Variants in WEE2 observed in about 807,000 individuals in gnomAD.
WEE2 encodes wee1-like protein kinase 2.
WEE2 carries 50 observed loss-of-function variants against 60.1 expected under a neutral mutation model. That is an observed-to-expected ratio of 0.83 (90% CI 0.66 to 1.05). The LOEUF (loss-of-function observed/expected upper bound fraction) is 1.05. WEE2 is among the 50% of genes least tolerant of loss of function. The pLI, the probability that WEE2 is intolerant of heterozygous loss-of-function variation, is 0.00. For synonymous variants in WEE2, 240 were observed against 241.0 expected (o/e 1.00, Z 0.04); for missense variants, 631 against 684.3 (o/e 0.92, Z 0.87).
At position 141,731,151 on chromosome 7, in the gene WEE2, C is replaced by T. The variant is rs1799134062; in HGVS notation, c.*831C>T. On this transcript the variant is annotated 3_prime_UTR_variant, in exon 12 of 12. Coordinates refer to ENST00000397541, the MANE Select transcript of WEE2 (RefSeq NM_001105558.1). ...GGTATTTGATAAGCTCTGTTTGTGT[C>T]ATCTTAGTGAATGCAACCTGTTAAT... 6.6e-6 allele frequency: 1 copy of T among 152,130 alleles called. No homozygotes were observed. Among genetic ancestry groups the T allele is most frequent in the Admixed American group, 6.5e-5 (1 of 15,278 alleles). The allele number at this position is 152,130 out of a possible 1,614,324, so 9.4% of individuals were successfully genotyped here.
chr7:141,717,301 T>C (rs1272230425), intron 3 of WEE2, among the ~76,000 whole-genome samples: 1 of 152,242 alleles, frequency 6.6e-6, no homozygotes, highest in Non-Finnish European at 1.5e-5. Context: ...TATGTTAATA[T>C]GTTAAAATGT....
At chr7:141,722,955 G>C (rs1056113791) in intron 5 of WEE2, among the ~76,000 whole-genome samples, 179 bp from the exon 6 acceptor site, 21 of 152,210 alleles carry the variant, frequency 1.4e-4, no homozygotes, top group African/African-American at 5.1e-4. Context: ...GCATTCATGA[G>C]GAATGTATTG....
intron 6 of WEE2, 34 bp from the exon 7 acceptor site, chr7:141,723,907 A>G (rs1798964460): frequency 4.3e-6 from 6 of 1,398,386 alleles, no homozygotes; most frequent in Admixed American, 4.0e-5. Context: ...CTTAGAAGTC[A>G]TTACTTACAT....
In WEE2 at chr7:141,730,406, C is replaced by T. The variant is rs1386247641; in HGVS notation, c.*86C>T. Reference sequence around the variant, plus strand: ...TTCCCCACCAAAGATCCCAGGGACTCGTTGTACATAGAAAGGAATAGAATT... The same window carrying T: ...TTCCCCACCAAAGATCCCAGGGACTTGTTGTACATAGAAAGGAATAGAATT... On this transcript the variant is annotated 3_prime_UTR_variant, in exon 12 of 12. Transcript: ENST00000397541. 1.4e-5 allele frequency: 17 copies of T among 1,216,658 alleles called. No individual in the cohort carries two copies. The Admixed American group carries it at 2.5e-4, about 18-fold the overall frequency. 75.4% of individuals were successfully genotyped at this position (1,216,658 alleles called of 1,614,324 possible).
chr7:141,719,506 A>T (rs866204447), intron 4 of WEE2, among the ~76,000 whole-genome samples: 2 of 152,196 alleles, frequency 1.3e-5, no homozygotes, highest in African/African-American at 4.8e-5. Context: ...GCTAGAGTGC[A>T]GTGGTGTGAT....
chr7:141,709,169 G>T (rs2117098882), intron 1 of WEE2, 69 bp downstream of exon 1: 1 of 1,325,108 alleles, frequency 7.5e-7, no homozygotes, highest in Non-Finnish European at 1.1e-6. Flanking sequence ...TTAGCTGATA[G>T]AGTGGATTCA....
intron 9 of WEE2, 34 bp from the exon 10 acceptor site, chr7:141,727,270 T>C: frequency 6.3e-7 from 1 of 1,584,728 alleles, no homozygotes; most frequent in South Asian, 1.2e-5. Flanking sequence ...ATAGTGAAGC[T>C]TCTGTTTCTT....
intron 8 of WEE2, among the ~76,000 whole-genome samples, chr7:141,724,576 C>T (rs1388804289): frequency 1.3e-5 from 2 of 152,194 alleles, no homozygotes; most frequent in African/African-American, 2.4e-5. Context: ...TTCCTCAAGC[C>T]CACATTGGTC....
chr7:141,720,338 C>T (rs1399811265), intron 4 of WEE2, among the ~76,000 whole-genome samples: 1 of 151,804 alleles, frequency 6.6e-6, no homozygotes, highest in Non-Finnish European at 1.5e-5. Flanking sequence ...CATTTTTATA[C>T]TGAGATTCAT....
Position 141,721,795 on chromosome 7 carries a change from G to A in WEE2, c.880+739G>A, listed in dbSNP as rs1435874302. On this transcript the variant is annotated intron_variant, in intron 5 of 11. Transcript: ENST00000397541. ...CTTCATTTTTAACAAGCTCCAAAACGCTCTTTCCTTACTTATTGTTTCTAA... is the reference window on the plus strand; with the variant it reads ...CTTCATTTTTAACAAGCTCCAAAACACTCTTTCCTTACTTATTGTTTCTAA... 2.0e-5 allele frequency among the ~76,000 whole-genome samples: 3 copies of A among 152,114 alleles called. No individual in the cohort carries two copies. The East Asian group carries it at 5.8e-4, about 29-fold the overall frequency.
intron 3 of WEE2, among the ~76,000 whole-genome samples, chr7:141,717,104 T>C (rs1305653652): frequency 6.6e-6 from 1 of 152,366 alleles, no homozygotes; most frequent in East Asian, 1.9e-4. Flanking sequence ...TAATGTTTAG[T>C]GTGCAAAAGA....
chr7:141,711,721 G>A lies in WEE2; in HGVS notation c.343-2488G>A, dbSNP rs2117102012. 1 of 152,376 alleles carries A rather than the reference G, an allele frequency of 6.6e-6. No homozygotes were observed. The highest frequency in any genetic ancestry group is 1.5e-5 in the Non-Finnish European group (1 of 68,070). The allele number at this position is 152,376 out of a possible 1,614,324, so 9.4% of individuals were successfully genotyped here. A position where few individuals can be genotyped will look rare whatever the true frequency, so the allele number is the denominator to read the frequency against. Reference sequence around the variant, plus strand: ...TTGCTACAAAGGAATACCTGAGACTGGGTAAATTATAAAGAAAAGAGGTTT... The same window carrying A: ...TTGCTACAAAGGAATACCTGAGACTAGGTAAATTATAAAGAAAAGAGGTTT... On this transcript the variant is annotated intron_variant, in intron 1 of 11. Coordinates refer to ENST00000397541, the MANE Select transcript of WEE2 (RefSeq NM_001105558.1). This position sits in a 1 kb window ranked among gnomAD's most constrained non-coding sequence, Gnocchi z 4.2.
At chr7:141,715,985 T>A (rs531995463) in intron 2 of WEE2, among the ~76,000 whole-genome samples, 1 of 152,306 alleles carries the variant, frequency 6.6e-6, no homozygotes, top group African/African-American at 2.4e-5. Flanking sequence ...GGCTTATATA[T>A]TCTCTCTTCT....
At chr7:141,728,604 CA>C (rs370278392) in intron 10 of WEE2, among the ~76,000 whole-genome samples, 2 of 152,316 alleles carry the variant, frequency 1.3e-5, no homozygotes, top group African/African-American at 4.8e-5. Context: ...TGACTATCAT[CA>C]GCCAGTACCA....
At chr7:141,720,238 C>T (rs575537289) in intron 4 of WEE2, among the ~76,000 whole-genome samples, 9 of 146,906 alleles carry the variant, frequency 6.1e-5, no homozygotes, top group African/African-American at 2.2e-4. Context: ...TCACTGCAAC[C>T]TCTGCCTCCC....
At chr7:141,715,256 T>C (rs1231971086) in intron 2 of WEE2, among the ~76,000 whole-genome samples, 2 of 152,192 alleles carry the variant, frequency 1.3e-5, no homozygotes, top group Admixed American at 6.5e-5. Flanking sequence ...AAGAATTCGA[T>C]TGGTTTTAGT....
chr7:141,727,182 C>G, intron 9 of WEE2, 122 bp from the exon 10 acceptor site: 4 of 1,073,192 alleles, frequency 3.7e-6, no homozygotes, highest in Non-Finnish European at 5.4e-6. Flanking sequence ...TTCCTCTGCA[C>G]AAAGCAGAAG....
chr7:141,722,127 C>T (rs1288220987), intron 5 of WEE2, among the ~76,000 whole-genome samples: 9 of 151,986 alleles, frequency 5.9e-5, no homozygotes, highest in Non-Finnish European at 1.2e-4. Flanking sequence ...GTTCAGAGGC[C>T]GGGCGCAATG....
At chr7:141,728,702 GT>G (rs1226805649) in intron 10 of WEE2, among the ~76,000 whole-genome samples, 2 of 151,800 alleles carry the variant, frequency 1.3e-5, no homozygotes, top group Admixed American at 6.5e-5. Flanking sequence ...CCATGGACCA[GT>G]ACCAGTCTGT....
Sources: allele counts gnomAD v4.1 joint callset (sites outside exome capture counted in the v4.1 genomes callset), GRCh38; gene constraint gnomAD v4.1.1; non-coding constraint Gnocchi (gnomAD v3.1); transcripts MANE v1.5; gene names NCBI Gene and HGNC (gene_info 2026-07-23, HGNC 2026-07-21).